The following CSRP3 variants were observed in gnomAD, a reference collection of about 807,000 sequenced individuals.
CSRP3 encodes cysteine and glycine rich protein 3, also known as cysteine and glycine-rich protein 3.
CSRP3 carries 24 observed loss-of-function variants against 24.3 expected under a neutral mutation model. The observed-to-expected ratio is 0.99, with a 90% CI of 0.71 to 1.39. CSRP3 has a LOEUF of 1.39. CSRP3 is among the 40% of genes most tolerant of loss of function. The pLI is 0.00. For synonymous variants in CSRP3, 105 were observed against 94.0 expected (o/e 1.12, Z -0.68); for missense variants, 240 against 249.0 (o/e 0.96, Z 0.24).
Position 19,185,075 on chromosome 11 carries a change from A to G in CSRP3, c.415-30T>C, listed in dbSNP as rs7103779. On this transcript the variant is annotated intron_variant, in intron 4 of 5. Coordinates refer to ENST00000265968, the MANE Select transcript of CSRP3 (RefSeq NM_003476.5). ...GGGGCACAGAAAAGTTGCATATTTA[A>G]TGAGGTAGGCAACACATTCTGTTTC... is the stretch of plus-strand genomic sequence containing the variant. The G allele has an allele frequency of 2.8e-3, 4,231 of 1,510,846 alleles. 103 individuals carry two copies. In the African/African-American group the frequency reaches 0.049, roughly 18 times the overall value. 93.6% of individuals were successfully genotyped at this position (1,510,846 alleles called of 1,614,324 possible).
intron 2 of CSRP3, among the ~76,000 whole-genome samples, chr11:19,190,017 T>C (rs1333526262): frequency 1.3e-5 from 2 of 152,250 alleles, no homozygotes; most frequent in Non-Finnish European, 2.9e-5. Flanking sequence ...GGCAAGCCTG[T>C]TTTGTCTTAA....
intron 1 of CSRP3, among the ~76,000 whole-genome samples, chr11:19,201,410 T>C (rs1027245329): frequency 2.0e-5 from 3 of 152,256 alleles, no homozygotes; most frequent in Admixed American, 2.0e-4. Context: ...AAATTGAGCA[T>C]GGGAAAGCTG....
At chr11:19,200,699 G>A (rs940211419) in intron 1 of CSRP3, among the ~76,000 whole-genome samples, 2 of 152,228 alleles carry the variant, frequency 1.3e-5, no homozygotes, top group African/African-American at 4.8e-5. Flanking sequence ...TGTTCAGAAA[G>A]GGAACAAAGC....
At chr11:19,201,741 C>T (rs989787022) in intron 1 of CSRP3, among the ~76,000 whole-genome samples, 8 of 152,144 alleles carry the variant, frequency 5.3e-5, no homozygotes, top group Admixed American at 3.3e-4. Flanking sequence ...TCCCTTAAGC[C>T]CCCTAAATAT....
At chr11:19,189,536 T>C (rs967403921) in intron 2 of CSRP3, among the ~76,000 whole-genome samples, 1 of 152,216 alleles carries the variant, frequency 6.6e-6, no homozygotes, top group African/African-American at 2.4e-5. Context: ...ATGATCCCTA[T>C]AAGCAATCCA....
chr11:19,183,428 T>A (rs569771012), intron 5 of CSRP3, among the ~76,000 whole-genome samples: 1 of 152,198 alleles, frequency 6.6e-6, no homozygotes, highest in East Asian at 1.9e-4. Context: ...GTCTTTGTAA[T>A]CAATGATCCC....
At chr11:19,193,130 A>G (rs778810189) in intron 1 of CSRP3, among the ~76,000 whole-genome samples, 3 of 152,202 alleles carry the variant, frequency 2.0e-5, no homozygotes, top group Non-Finnish European at 2.9e-5. Context: ...TAAGAATATA[A>G]TCACCTAGGC....
intron 2 of CSRP3, among the ~76,000 whole-genome samples, chr11:19,192,025 C>T (rs1374242284): frequency 6.6e-6 from 1 of 152,176 alleles, no homozygotes; most frequent in Non-Finnish European, 1.5e-5. Flanking sequence ...CACATGTTGT[C>T]AATGTCGCCA....
At chr11:19,192,549 G>A (rs942370669) in intron 1 of CSRP3, 73 bp from the exon 2 acceptor site, 2 of 931,630 alleles carry the variant, frequency 2.1e-6, no homozygotes, top group Non-Finnish European at 3.5e-6. Context: ...GAGTGCAGTG[G>A]TCTGAAGACC....
chr11:19,194,807 C>T (rs751307553), intron 1 of CSRP3, among the ~76,000 whole-genome samples: 1 of 152,156 alleles, frequency 6.6e-6, no homozygotes, highest in Non-Finnish European at 1.5e-5. Context: ...AGAATTAAAA[C>T]TCACATTCAT....
At chr11:19,196,436 CCACTT>C (rs1202424677) in intron 1 of CSRP3, among the ~76,000 whole-genome samples, 3 of 152,018 alleles carry the variant, frequency 2.0e-5, no homozygotes, top group Non-Finnish European at 2.9e-5. Context: ...TTATTTTTTC[CCACTT>C]CACTTTAGGT....
intron 2 of CSRP3, among the ~76,000 whole-genome samples, chr11:19,190,840 C>T (rs1338647788): frequency 6.6e-6 from 1 of 152,208 alleles, no homozygotes; most frequent in African/African-American, 2.4e-5. Flanking sequence ...TGCTCAAATC[C>T]TCATCCCATC....
At chr11:19,187,935 T>C (rs1347474442) in intron 3 of CSRP3, among the ~76,000 whole-genome samples, 1 of 152,234 alleles carries the variant, frequency 6.6e-6, no homozygotes, top group East Asian at 1.9e-4. Context: ...AATTGCCCTT[T>C]AGAATGGCAA....
At chr11:19,187,742 C>A (rs1282599189) in intron 3 of CSRP3, among the ~76,000 whole-genome samples, 1 of 152,198 alleles carries the variant, frequency 6.6e-6, no homozygotes, top group Non-Finnish European at 1.5e-5. Context: ...GGGAAGAAAT[C>A]TTTTCATGAC....
At chr11:19,195,533 G>A (rs1180871011) in intron 1 of CSRP3, among the ~76,000 whole-genome samples, 2 of 152,142 alleles carry the variant, frequency 1.3e-5, no homozygotes, top group African/African-American at 4.8e-5. Context: ...CAGGAACATG[G>A]CAGCGACACT....
chr11:19,187,452 G>T (rs1202691637), intron 3 of CSRP3, among the ~76,000 whole-genome samples: 1 of 152,230 alleles, frequency 6.6e-6, no homozygotes, highest in Non-Finnish European at 1.5e-5. Flanking sequence ...CCAGAGAGTA[G>T]TGTCAGGCCA....
Position 19,192,458 on chromosome 11 carries a change from T to C in CSRP3, c.-10A>G. The C allele has an allele frequency of 6.2e-7, 1 of 1,609,068 alleles. No homozygotes were observed. The highest frequency in any genetic ancestry group is 1.1e-5 in the South Asian group (1 of 90,974). ...CGCCCCAGTTTGGCATCTTGAAGAC[T>C]ATCTGGTCAAGGTCAAGTCTAAGGG... is the stretch of plus-strand genomic sequence containing the variant. On this transcript the variant is annotated 5_prime_UTR_variant, in exon 2 of 6. It adds an upstream start codon to the 5' untranslated region. Coordinates refer to ENST00000265968, the MANE Select transcript of CSRP3 (RefSeq NM_003476.5).
Position 19,182,548 on chromosome 11 carries a change from G to T in CSRP3, c.*122C>A. On this transcript the variant is annotated 3_prime_UTR_variant, in exon 6 of 6. Coordinates refer to ENST00000265968, the MANE Select transcript of CSRP3 (RefSeq NM_003476.5). The stretch of plus-strand genomic sequence containing the variant: ...ATTCAGTAAAGACCTGATCACTTCT[G>T]AGGAGAAACACATAATGTACGACTA... 1.1e-6 allele frequency: 1 copy of T among 881,222 alleles called. No individual in the cohort carries two copies. The highest frequency in any genetic ancestry group is 1.9e-6 in the Non-Finnish European group (1 of 512,870). The allele number at this position is 881,222 out of a possible 1,614,324, so 54.6% of individuals were successfully genotyped here. A position where few individuals can be genotyped will look rare whatever the true frequency, so the allele number is the denominator to read the frequency against.
rs1565049142 is a variant in CSRP3 at position 19,182,363 on chromosome 11, A to G, written c.*307T>C. 2.7e-6 allele frequency: 1 copy of G among 364,242 alleles called. No individual in the cohort carries two copies. Among genetic ancestry groups the G allele is most frequent in the Non-Finnish European group, 5.1e-6 (1 of 197,578 alleles). The allele number at this position is 364,242 out of a possible 1,614,324, so 22.6% of individuals were successfully genotyped here. ...GCAACTCGTTTTTTGAACTAGCTTTATGTTTTTGAAAATTTCTATCTCAAA... is the reference window on the plus strand; with the variant it reads ...GCAACTCGTTTTTTGAACTAGCTTTGTGTTTTTGAAAATTTCTATCTCAAA... On this transcript the variant is annotated 3_prime_UTR_variant, in exon 6 of 6. Transcript: ENST00000265968.
Sources: allele counts gnomAD v4.1 joint callset (sites outside exome capture counted in the v4.1 genomes callset), GRCh38; gene constraint gnomAD v4.1.1; transcripts MANE v1.5; gene names NCBI Gene and HGNC (gene_info 2026-07-23, HGNC 2026-07-21).